Variants in OR4K1 observed in about 807,000 individuals in gnomAD.
The protein encoded by OR4K1 is olfactory receptor 4K1.
A neutral mutation model predicts 14.4 loss-of-function variants in OR4K1; 16 were observed. The observed-to-expected ratio is 1.11, with a 90% CI of 0.75 to 1.68. The LOEUF is 1.68. Ranked by LOEUF, OR4K1 falls within the 40% of genes most tolerant of loss-of-function variation. The pLI, the probability that OR4K1 is intolerant of heterozygous loss-of-function variation, is 0.00. For missense variants in OR4K1, 548 were observed against 376.9 expected (o/e 1.45, Z -3.76); for synonymous variants, 181 against 133.1 (o/e 1.36, Z -2.48).
At chr14:19,934,496 A>T (rs1431995475) in intron 1 of OR4K1, among the ~76,000 whole-genome samples, 1 of 152,260 alleles carries the variant, frequency 6.6e-6, no homozygotes, top group African/African-American at 2.4e-5. Context: ...TTATTGTTTC[A>T]TTTATTGTTA....
the OR4K1 span, among the ~76,000 whole-genome samples, chr14:19,924,218 T>A: frequency 2.6e-5 from 4 of 152,126 alleles, no homozygotes; most frequent in Non-Finnish European, 5.9e-5. Context: ...CTGACCAACA[T>A]AGAGAAAACC....
At chr14:19,933,844 C>G (rs1334294380) in intron 1 of OR4K1, among the ~76,000 whole-genome samples, 1 of 152,182 alleles carries the variant, frequency 6.6e-6, no homozygotes, top group Non-Finnish European at 1.5e-5. Flanking sequence ...CTCGGCCTCC[C>G]AAAGTGCTGG....
chr14:19,932,652 T>C (rs752337083), intron 1 of OR4K1, among the ~76,000 whole-genome samples: 14 of 152,378 alleles, frequency 9.2e-5, no homozygotes, highest in Non-Finnish European at 1.9e-4. Context: ...CCTAGTCTAC[T>C]GTAGGAGTCA....
chr14:19,921,629 T>C, the OR4K1 span: 25 of 1,519,342 alleles, frequency 1.6e-5, no homozygotes, highest in Non-Finnish European at 2.2e-5. Context: ...AATATTTTAA[T>C]GTATTTTTGT....
At chr14:19,924,400 C>CAAAAAAAAAAAAAAAAAAAA in the OR4K1 span, among the ~76,000 whole-genome samples, 128 of 79,256 alleles carry the variant, frequency 1.6e-3, 1 homozygote, top group African/African-American at 5.1e-3. Context: ...AACTCCGTAT[C>CAAAAAAAAAAAAAAAAAAAA]AAAAAAAAAA....
upstream of OR4K1, among the ~76,000 whole-genome samples, chr14:19,928,319 G>A (rs147433139): frequency 2.9e-4 from 44 of 152,180 alleles, no homozygotes; most frequent in African/African-American, 1.0e-3. Flanking sequence ...TATTGCTAGT[G>A]GTTTATTGAA....
chr14:19,922,657 T>A, the OR4K1 span, among the ~76,000 whole-genome samples: 1 of 151,196 alleles, frequency 6.6e-6, no homozygotes, highest in Non-Finnish European at 1.5e-5. Flanking sequence ...CATGTACTCT[T>A]TTTTTTTTTA....
At chr14:19,921,468 A>G in the OR4K1 span, 1 of 1,613,988 alleles carries the variant, frequency 6.2e-7, no homozygotes, top group African/African-American at 1.3e-5. Context: ...CATTATTTAT[A>G]CACTAAGGAA....
At chr14:19,924,090 G>A in the OR4K1 span, among the ~76,000 whole-genome samples, 1 of 152,182 alleles carries the variant, frequency 6.6e-6, no homozygotes, top group Non-Finnish European at 1.5e-5. Flanking sequence ...ATTCATCTAT[G>A]ACATGCTTGA....
At chr14:19,933,938 G>A (rs1449423600) in intron 1 of OR4K1, among the ~76,000 whole-genome samples, 3 of 152,318 alleles carry the variant, frequency 2.0e-5, no homozygotes, top group Admixed American at 2.0e-4. Context: ...AACACGGAAA[G>A]CCCTGAAAGT....
chr14:19,929,359 CTGTGTGTGTGTGTGTGTGTGTGTGTGTG>C (rs59130422), upstream of OR4K1, among the ~76,000 whole-genome samples: 1 of 144,368 alleles, frequency 6.9e-6, no homozygotes, highest in African/African-American at 2.6e-5. Flanking sequence ...ATATCACACT[CTGTGTGTGTGTGTGTGTGTGTGTGTGTG>C]TGTGTGTGTG....
At chr14:19,921,862 A>G in the OR4K1 span, among the ~76,000 whole-genome samples, 1 of 152,248 alleles carries the variant, frequency 6.6e-6, no homozygotes, top group African/African-American at 2.4e-5. Context: ...ATCAAGAAAA[A>G]AATCAATGAG....
rs1227669654 is a variant in OR4K1 at position 19,935,593 on chromosome 14, C to T, written c.-19-55C>T. The T allele has an allele frequency of 4.8e-6, 6 of 1,238,380 alleles. No homozygotes were observed. In the African/African-American group the frequency reaches 7.6e-5, roughly 16 times the overall value. The allele number at this position is 1,238,380 out of a possible 1,614,324, so 76.7% of individuals were successfully genotyped here. On this transcript the variant is annotated intron_variant, in intron 1 of 1. Transcript: ENST00000641172. Reference sequence around the variant, plus strand: ...TGACTATATTTCTTTTGTTTATAAACTAGAGGTATTGTAATGCCAATCATT... The same window carrying T: ...TGACTATATTTCTTTTGTTTATAAATTAGAGGTATTGTAATGCCAATCATT...
intron 1 of OR4K1, 124 bp from the exon 2 acceptor site, chr14:19,935,519 CGTAAA>C: frequency 1.4e-6 from 1 of 734,298 alleles, no homozygotes; most frequent in Non-Finnish European, 2.2e-6. Flanking sequence ...TATTTACATA[CGTAAA>C]TATATGTAAC....
chr14:19,920,617 C>T, the OR4K1 span: 2 of 1,605,950 alleles, frequency 1.2e-6, no homozygotes, highest in Non-Finnish European at 1.7e-6. Context: ...ATGGATAAGT[C>T]CAATTCTTCA....
chr14:19,921,742 A>G, the OR4K1 span: 1 of 743,072 alleles, frequency 1.3e-6, no homozygotes, highest in Non-Finnish European at 2.0e-6. Context: ...AGTTAAATAT[A>G]AAAACATGGA....
the OR4K1 span, among the ~76,000 whole-genome samples, chr14:19,922,653 C>CTTT: frequency 1.4e-5 from 1 of 73,428 alleles, no homozygotes; most frequent in East Asian, 4.8e-4. Context: ...TTTACATGTA[C>CTTT]TCTTTTTTTT....
At chr14:19,927,857 T>C (rs1882094449), upstream of OR4K1, among the ~76,000 whole-genome samples, 3 of 152,234 alleles carry the variant, frequency 2.0e-5, no homozygotes, top group African/African-American at 7.2e-5. Context: ...GTTTGACATA[T>C]GGATATAGGA....
chr14:19,926,941 G>A (rs1350369566), upstream of OR4K1, among the ~76,000 whole-genome samples: 2 of 152,188 alleles, frequency 1.3e-5, no homozygotes, highest in South Asian at 2.1e-4. Context: ...GTCTTATCAG[G>A]GACTAAGTAC....
Sources: allele counts gnomAD v4.1 joint callset (sites outside exome capture counted in the v4.1 genomes callset), GRCh38; gene constraint gnomAD v4.1.1; transcripts MANE v1.5; gene names NCBI Gene and HGNC (gene_info 2026-07-23, HGNC 2026-07-21).